The following TSHR variants were observed in gnomAD, a reference collection of about 807,000 sequenced individuals.
TSHR encodes thyrotropin receptor.
Under a neutral mutation model 64.1 loss-of-function variants are expected in TSHR, and 51 were observed. That is an observed-to-expected ratio of 0.80 (90% confidence interval 0.64 to 1.01). The LOEUF (loss-of-function observed/expected upper bound fraction) is 1.01. Ranked by LOEUF, TSHR falls within the 50% of genes least tolerant of loss-of-function variation. The pLI is 0.00. For missense variants in TSHR, 877 were observed against 942.8 expected (o/e 0.93, Z 0.91); for synonymous variants, 361 against 361.9 (o/e 1.00, Z 0.03).
intron 8 of TSHR, among the ~76,000 whole-genome samples, chr14:81,114,828 G>T (rs1047140493): frequency 6.6e-6 from 1 of 152,212 alleles, no homozygotes; most frequent in East Asian, 1.9e-4. Context: ...CGCAGCTGGA[G>T]ATCTGAGAAC....
intron 1 of TSHR, chr14:80,982,501 A>G: frequency 9.6e-7 from 1 of 1,045,850 alleles, no homozygotes; most frequent in African/African-American, 1.6e-5. Flanking sequence ...GGAGGAAGAG[A>G]ATGTCATTGG....
intron 1 of TSHR, among the ~76,000 whole-genome samples, chr14:80,970,749 C>T (rs1465901374): frequency 1.3e-5 from 2 of 152,200 alleles, no homozygotes; most frequent in Non-Finnish European, 2.9e-5. Context: ...AGCCAAGACG[C>T]CCAGCAAGTG....
intron 6 of TSHR, chr14:81,095,337 G>A (rs28599787): frequency 0.22 from 33,435 of 152,196 alleles, 4,904 homozygotes; most frequent in African/African-American, 0.41. Flanking sequence ...TTGGGAGACC[G>A]AGGCAGGCAG....
At chr14:81,057,990 G>C (rs1387547598) in intron 1 of TSHR, among the ~76,000 whole-genome samples, 1 of 152,214 alleles carries the variant, frequency 6.6e-6, no homozygotes, top group East Asian at 1.9e-4. Context: ...AATGTTGATT[G>C]GATTTACATG....
At chr14:80,976,063 A>C (rs2268455) in intron 1 of TSHR, among the ~76,000 whole-genome samples, 24,930 of 151,764 alleles carry the variant, frequency 0.16, 2,320 homozygotes, top group East Asian at 0.44. Context: ...AGGCACCCGC[A>C]ACCACGCCCG....
At chr14:80,960,997 G>GT (rs1886992958) in intron 1 of TSHR, among the ~76,000 whole-genome samples, 1 of 152,246 alleles carries the variant, frequency 6.6e-6, no homozygotes, top group African/African-American at 2.4e-5. Flanking sequence ...GTAGTATCCT[G>GT]TATGGGAGCA....
intron 1 of TSHR, chr14:80,982,133 G>C: frequency 1.7e-6 from 1 of 575,730 alleles, no homozygotes; most frequent in Non-Finnish European, 3.2e-6. Context: ...ACAAGCCAGG[G>C]TCTCTGACAG....
At chr14:81,139,949 C>T (rs1231844063) in intron 9 of TSHR, 82 bp downstream of exon 9, 2 of 1,547,362 alleles carry the variant, frequency 1.3e-6, no homozygotes, top group African/African-American at 1.4e-5. Flanking sequence ...GAAGATGCTT[C>T]CTGGTTTGAA....
In TSHR at chr14:81,001,915, C is replaced by T. The variant is rs543336646; in HGVS notation, c.170+46065C>T. ...GATGTTCCTTTCACCAATCTTTCAC[C>T]GTCATTCATTTTTCTTCCTCCCCTT... On this transcript the variant is annotated intron_variant, in intron 1 of 9. Coordinates refer to ENST00000298171, the MANE Select transcript of TSHR (RefSeq NM_000369.5). 64 of 185,476 alleles carry T rather than the reference C, an allele frequency of 3.5e-4. 2 individuals are homozygous for T. In the South Asian group the frequency reaches 6.4e-3, roughly 18 times the overall value. 11.5% of individuals were successfully genotyped at this position (185,476 alleles called of 1,614,324 possible).
intron 1 of TSHR, among the ~76,000 whole-genome samples, chr14:81,007,563 C>T (rs1294293716): frequency 6.6e-6 from 1 of 152,186 alleles, no homozygotes. Context: ...TTCATGCTAT[C>T]CACATGTCCT....
At chr14:81,000,578 A>G (rs1405705604) in intron 1 of TSHR, among the ~76,000 whole-genome samples, 1 of 151,684 alleles carries the variant, frequency 6.6e-6, no homozygotes, top group Non-Finnish European at 1.5e-5. Context: ...ACTGGGGTAT[A>G]CTCCTCAGTC....
At chr14:81,111,083 A>C (rs1015813250) in intron 8 of TSHR, among the ~76,000 whole-genome samples, 11 of 152,232 alleles carry the variant, frequency 7.2e-5, no homozygotes, top group Admixed American at 2.6e-4. Flanking sequence ...TTAGTGGTAC[A>C]TACTCAGATA....
chr14:81,033,941 G>C (rs1884491990), intron 1 of TSHR, among the ~76,000 whole-genome samples: 1 of 152,138 alleles, frequency 6.6e-6, no homozygotes, highest in Non-Finnish European at 1.5e-5. Flanking sequence ...GCAAAATAAA[G>C]GTTGTGCATA....
At chr14:80,991,869 C>G (rs1326173321) in intron 1 of TSHR, 1 of 320,470 alleles carries the variant, frequency 3.1e-6, no homozygotes, top group African/African-American at 2.1e-5. Context: ...TATCTGAGGG[C>G]ACTAGGTGAA....
chr14:81,142,734 C>T (rs565100193), intron 9 of TSHR, among the ~76,000 whole-genome samples: 3 of 151,680 alleles, frequency 2.0e-5, no homozygotes, highest in Admixed American at 6.6e-5. Flanking sequence ...CTCAGCCTCC[C>T]GAGTAGCTAC....
intron 1 of TSHR, chr14:81,003,216 G>T (rs371030518): frequency 2.0e-5 from 3 of 151,962 alleles, no homozygotes; most frequent in African/African-American, 7.2e-5. Flanking sequence ...CTACTGCTCC[G>T]GTGACTCGCT....
intron 8 of TSHR, among the ~76,000 whole-genome samples, chr14:81,126,537 T>A (rs1891027038): frequency 6.6e-6 from 1 of 152,196 alleles, no homozygotes; most frequent in Non-Finnish European, 1.5e-5. Context: ...TTTAGCATGG[T>A]TTTGCTAAAG....
intron 1 of TSHR, among the ~76,000 whole-genome samples, chr14:80,984,322 T>C (rs768480868): frequency 1.8e-4 from 27 of 152,202 alleles, no homozygotes; most frequent in Non-Finnish European, 2.1e-4. Flanking sequence ...TATGTCAAAG[T>C]CATCTCACAA....
chr14:81,100,074 A>T (rs1469069787), intron 7 of TSHR, among the ~76,000 whole-genome samples: 1 of 152,220 alleles, frequency 6.6e-6, no homozygotes, highest in Non-Finnish European at 1.5e-5. Context: ...TGATAAGAGA[A>T]GGGATGGGAG....
Sources: gnomAD v4.1 joint callset for allele counts (sites outside exome capture counted in the v4.1 genomes callset) on GRCh38, gnomAD v4.1.1 for gene constraint, MANE v1.5 for transcripts, NCBI Gene and HGNC (gene_info 2026-07-23, HGNC 2026-07-21) for gene names.